The following PIP5K1C variants were observed in gnomAD, a reference collection of about 807,000 sequenced individuals.
PIP5K1C encodes the protein phosphatidylinositol 4-phosphate 5-kinase type-1 gamma.
Under a neutral mutation model 80.1 loss-of-function variants are expected in PIP5K1C, and 45 were observed. That is an observed-to-expected ratio of 0.56 (90% confidence interval 0.44 to 0.72). PIP5K1C has a LOEUF of 0.72. Ranked by LOEUF, PIP5K1C falls within the 30% of genes least tolerant of loss-of-function variation. PIP5K1C has a pLI of 0.00. For missense variants in PIP5K1C, 753 were observed against 954.6 expected (o/e 0.79, Z 2.78); for synonymous variants, 498 against 420.1 (o/e 1.19, Z -2.27).
At chr19:3,661,775 C>T in intron 4 of PIP5K1C, 96 bp downstream of exon 4, 2 of 1,486,236 alleles carry the variant, frequency 1.3e-6, no homozygotes, top group Non-Finnish European at 9.3e-7. Flanking sequence ...GGGCCAGGTG[C>T]TGCTTTCAGC....
chr19:3,695,252 A>G, intron 1 of PIP5K1C, among the ~76,000 whole-genome samples: 1 of 152,080 alleles, frequency 6.6e-6, no homozygotes, highest in East Asian at 1.9e-4. Context: ...TGGAACTCAC[A>G]CTTTCACGAG....
chr19:3,643,251 C>CGGCTGCT lies in PIP5K1C; in HGVS notation c.1634_1640dup (p.Arg548AlafsTer64). 6.2e-7 allele frequency: 1 copy of CGGCTGCT among 1,613,508 alleles called. No individual in the cohort carries two copies. The highest frequency in any genetic ancestry group is 8.5e-7 in the Non-Finnish European group (1 of 1,179,846). On this transcript the variant is annotated frameshift_variant, in exon 13 of 18. Transcript: ENST00000335312. LOFTEE classifies it high-confidence loss of function. Reference sequence around the variant, plus strand: ...GCGGATGCCTCGCCCACCTGTACCGCGGCTGCTCCGACGTCTCCGAGGGGG... The same window carrying CGGCTGCT: ...GCGGATGCCTCGCCCACCTGTACCGCGGCTGCTGGCTGCTCCGACGTCTCCGAGGGGG...
rs1164891653 is a variant in PIP5K1C at position 3,637,716 on chromosome 19, C to T, written c.1920+1168G>A. 25 of 1,296,318 alleles carry T rather than the reference C, an allele frequency of 1.9e-5. No individual in the cohort carries two copies. The highest frequency in any genetic ancestry group is 2.2e-5 in the Non-Finnish European group (22 of 994,068). The allele number at this position is 1,296,318 out of a possible 1,614,324, so 80.3% of individuals were successfully genotyped here. The stretch of plus-strand genomic sequence containing the variant: ...GGGTGGGAGAGGCGGAGGGAGGTGG[C>T]GGGGAGCAGGTGGGGACAGCTGACT... On this transcript the variant is annotated intron_variant, in intron 16 of 17. Transcript: ENST00000335312. The surrounding 1 kb of genome is among the most constrained non-coding windows in gnomAD (Gnocchi z 7.0).
intron 4 of PIP5K1C, 60 bp downstream of exon 4, chr19:3,661,811 C>A (rs540394189): frequency 6.2e-7 from 1 of 1,600,188 alleles, no homozygotes; most frequent in African/African-American, 1.3e-5. Context: ...GGACAGGCCA[C>A]TCCGCCTCAG....
intron 16 of PIP5K1C, 144 bp from the exon 17 acceptor site, chr19:3,633,664 G>A (rs1309453459): frequency 5.8e-6 from 3 of 517,488 alleles, no homozygotes; most frequent in Non-Finnish European, 6.1e-6. Flanking sequence ...CAGCCCAGCT[G>A]CCCTCTCTGA....
chr19:3,656,285 A>G (rs1414603486), intron 6 of PIP5K1C, 120 bp downstream of exon 6: 1 of 1,108,364 alleles, frequency 9.0e-7, no homozygotes, highest in African/African-American at 1.5e-5. Context: ...GGGACCCAAG[A>G]TGCCTCTCAC....
rs1254149828 is a variant in PIP5K1C, at chr19:3,688,023, C to T, written c.94+12274G>A. Among the ~76,000 whole-genome samples the T allele has an allele frequency of 6.6e-6, 1 of 152,182 alleles. No individual in the cohort carries two copies. Among genetic ancestry groups the T allele is most frequent in the East Asian group, 1.9e-4 (1 of 5,186 alleles). On this transcript the variant is annotated intron_variant, in intron 1 of 17. Transcript: ENST00000335312. This position sits in a 1 kb window ranked among gnomAD's most constrained non-coding sequence, Gnocchi z 5.3. Reference sequence around the variant, plus strand: ...AGGAGGCTGTGGGGCGTGGCCAGCCCGCAGGTGGCGGGGCCGACGGGATGG... The same window carrying T: ...AGGAGGCTGTGGGGCGTGGCCAGCCTGCAGGTGGCGGGGCCGACGGGATGG...
chr19:3,647,954 A>T (rs140867269), intron 9 of PIP5K1C, among the ~76,000 whole-genome samples: 165 of 152,338 alleles, frequency 1.1e-3, no homozygotes, highest in Non-Finnish European at 2.0e-3. Flanking sequence ...CTTAAAACAA[A>T]CAAATGAAAA....
intron 5 of PIP5K1C, among the ~76,000 whole-genome samples, chr19:3,660,075 C>T (rs892659205): frequency 1.3e-5 from 2 of 152,174 alleles, no homozygotes; most frequent in Non-Finnish European, 2.9e-5. Context: ...CCGGGGCTCA[C>T]GCCTGGAATC....
rs953033129 is a variant in PIP5K1C at position 3,632,974 on chromosome 19, G to A, written c.*193C>T. 1.3e-5 allele frequency: 7 copies of A among 524,796 alleles called. No homozygotes were observed. Among genetic ancestry groups the A allele is most frequent in the Admixed American group, 3.4e-5 (1 of 29,414 alleles). 32.5% of individuals were successfully genotyped at this position (524,796 alleles called of 1,614,324 possible). On this transcript the variant is annotated 3_prime_UTR_variant, in exon 18 of 18. Transcript: ENST00000335312. ...GTCTCACAGGGGCAGGCTGCCGACC[G>A]GGGTGCCGGGGCCCTGGGAGGCTTG... is the stretch of plus-strand genomic sequence containing the variant.
chr19:3,688,815 C>T lies in PIP5K1C; in HGVS notation c.94+11482G>A, dbSNP rs747380898. On this transcript the variant is annotated intron_variant, in intron 1 of 17. Transcript: ENST00000335312. This position sits in a 1 kb window ranked among gnomAD's most constrained non-coding sequence, Gnocchi z 5.3. Reference sequence around the variant, plus strand: ...GTGGGCCGGGGGAGGGGGACCCACACCCACGTCGCCATGGCCCCCCACCCC... The same window carrying T: ...GTGGGCCGGGGGAGGGGGACCCACATCCACGTCGCCATGGCCCCCCACCCC... 6.6e-6 allele frequency among the ~76,000 whole-genome samples: 1 copy of T among 152,122 alleles called. No homozygotes were observed. The highest frequency in any genetic ancestry group is 2.4e-5 in the African/African-American group (1 of 41,434).
rs558886806 is a variant in PIP5K1C at position 3,637,545 on chromosome 19, G to A, written c.1920+1339C>T. 2.0e-6 allele frequency: 3 copies of A among 1,535,392 alleles called. No individual in the cohort carries two copies. Among genetic ancestry groups the A allele is most frequent in the African/African-American group, 2.7e-5 (2 of 73,114 alleles). On this transcript the variant is annotated intron_variant, in intron 16 of 17. Coordinates refer to ENST00000335312, the MANE Select transcript of PIP5K1C (RefSeq NM_012398.3). The surrounding 1 kb of genome is among the most constrained non-coding windows in gnomAD (Gnocchi z 7.0). ...GGCTGCGGTCACTTACAGTCCCCGA[G>A]GCGCTCAGCGTCACGGCCCGCAGTC...
chr19:3,666,398 G>A (rs2035009466), intron 2 of PIP5K1C, among the ~76,000 whole-genome samples: 1 of 152,278 alleles, frequency 6.6e-6, no homozygotes, highest in East Asian at 1.9e-4. Flanking sequence ...CAGGGCCAAC[G>A]TGCAGAGAAA....
intron 1 of PIP5K1C, among the ~76,000 whole-genome samples, chr19:3,677,977 T>G (rs1218351830): frequency 2.7e-4 from 16 of 59,514 alleles, no homozygotes; most frequent in South Asian, 6.4e-4. Flanking sequence ...GATGGAGGAA[T>G]AGAGGGAAGG....
chr19:3,656,836 C>T (rs1034257350), intron 5 of PIP5K1C, among the ~76,000 whole-genome samples: 5 of 152,328 alleles, frequency 3.3e-5, no homozygotes, highest in African/African-American at 9.6e-5. Flanking sequence ...CTGATCGCAC[C>T]GGGGTGCTGA....
In PIP5K1C at chr19:3,659,376, G is replaced by A. The variant is rs373740087; in HGVS notation, c.468+1590C>T. Among the ~76,000 whole-genome samples the A allele has an allele frequency of 4.6e-5, 7 of 152,360 alleles. No homozygotes were observed. The East Asian group carries it at 1.2e-3, about 25-fold the overall frequency. On this transcript the variant is annotated intron_variant, in intron 5 of 17. Transcript: ENST00000335312. ...GGCTGGCTCCCCAGATGCTGTGGGT[G>A]CACACCTGGCCTAAGGCCCTGGAAT...
In PIP5K1C at chr19:3,692,987, G is replaced by A. The variant is rs1464048012; in HGVS notation, c.94+7310C>T. Among the ~76,000 whole-genome samples the A allele has an allele frequency of 6.6e-6, 1 of 151,878 alleles. No homozygotes were observed. The highest frequency in any genetic ancestry group is 1.5e-5 in the Non-Finnish European group (1 of 67,950). On this transcript the variant is annotated intron_variant, in intron 1 of 17. Transcript: ENST00000335312. The surrounding 1 kb of genome is among the most constrained non-coding windows in gnomAD (Gnocchi z 5.2). ...GTGGCCCCCGAGTCCCCAGCCTTGAGGGCACCTCCGCCGCCACTCTCTCCC... is the reference window on the plus strand; with the variant it reads ...GTGGCCCCCGAGTCCCCAGCCTTGAAGGCACCTCCGCCGCCACTCTCTCCC...
In PIP5K1C at chr19:3,688,109, G is replaced by C. The variant is rs1243592058; in HGVS notation, c.94+12188C>G. ...GAAGCCCGGCCCGTGCGGGCTGCGG[G>C]AGATCCTGATGGGCCCCGAGCTGAG... On this transcript the variant is annotated intron_variant, in intron 1 of 17. Coordinates refer to ENST00000335312, the MANE Select transcript of PIP5K1C (RefSeq NM_012398.3). The surrounding 1 kb of genome is among the most constrained non-coding windows in gnomAD (Gnocchi z 5.3). Among the ~76,000 whole-genome samples, 1 of 152,170 alleles carries C rather than the reference G, an allele frequency of 6.6e-6. No individual in the cohort carries two copies. Among genetic ancestry groups the C allele is most frequent in the Admixed American group, 6.5e-5 (1 of 15,290 alleles).
chr19:3,638,024 G>T (rs1211569101), intron 16 of PIP5K1C: 10 of 1,493,550 alleles, frequency 6.7e-6, no homozygotes, highest in South Asian at 2.6e-5. Context: ...CAGAGCAGGG[G>T]AGTTAGTTAT....
Sources: allele counts gnomAD v4.1 joint callset (sites outside exome capture counted in the v4.1 genomes callset), GRCh38; gene constraint gnomAD v4.1.1; non-coding constraint Gnocchi (gnomAD v3.1); transcripts MANE v1.5; gene names NCBI Gene and HGNC (gene_info 2026-07-23, HGNC 2026-07-21).